Variants in YIPF4 observed in about 807,000 individuals in gnomAD.
YIPF4 encodes the protein Yip1 domain family member 4, also known as protein YIPF4.
A neutral mutation model predicts 29.4 loss-of-function variants in YIPF4; 18 were observed. The ratio of observed to expected loss-of-function variants is 0.61; its 90% CI spans 0.42 to 0.91. The LOEUF is 0.91. Among genes scored for constraint, YIPF4 ranks in the 40% least tolerant of loss-of-function variants. The pLI is 0.00. For missense variants in YIPF4, 279 were observed against 282.7 expected (o/e 0.99, Z 0.09); for synonymous variants, 115 against 104.7 (o/e 1.10, Z -0.60).
chr2:32,288,915 C>T (rs929578958), intron 1 of YIPF4, among the ~76,000 whole-genome samples: 39 of 151,978 alleles, frequency 2.6e-4, no homozygotes, highest in Admixed American at 2.5e-3. Flanking sequence ...TGCGGTGAGC[C>T]GAGATGACAC....
intron 2 of YIPF4, among the ~76,000 whole-genome samples, chr2:32,291,881 T>TGATA (rs765778128): frequency 1.9e-4 from 29 of 152,198 alleles, no homozygotes; most frequent in Non-Finnish European, 3.4e-4. Flanking sequence ...TTTCTTAAAT[T>TGATA]GATAGGGCTT....
At chr2:32,299,105 C>T (rs1414270984) in intron 4 of YIPF4, among the ~76,000 whole-genome samples, 2 of 152,090 alleles carry the variant, frequency 1.3e-5, no homozygotes, top group African/African-American at 4.8e-5. Flanking sequence ...CTCAAACTCC[C>T]GATCTCAAGT....
intron 1 of YIPF4, among the ~76,000 whole-genome samples, chr2:32,285,970 T>C (rs1164890598): frequency 1.3e-5 from 2 of 152,236 alleles, no homozygotes; most frequent in South Asian, 2.1e-4. Context: ...AAGTATGATA[T>C]ATAGTATGTA....
At position 32,312,596 on chromosome 2, in the gene YIPF4, C is replaced by G. The variant is rs1422477984; in HGVS notation, c.*6970C>G. 1 of 151,014 alleles carries G rather than the reference C, an allele frequency of 6.6e-6. No homozygotes were observed. Among genetic ancestry groups the G allele is most frequent in the Non-Finnish European group, 1.5e-5 (1 of 67,924 alleles). The allele number at this position is 151,014 out of a possible 1,614,324, so 9.4% of individuals were successfully genotyped here. A position where few individuals can be genotyped will look rare whatever the true frequency, so the allele number is the denominator to read the frequency against. On this transcript the variant is annotated 3_prime_UTR_variant, in exon 6 of 6. Transcript: ENST00000238831. The stretch of plus-strand genomic sequence containing the variant: ...AGAAACAGCCTTTGAATTTGGCACC[C>G]TGAATGTGAAGGGACAATAGATATT...
In YIPF4 at chr2:32,298,237, G is replaced by T. The variant is rs1322060392; in HGVS notation, c.409G>T (p.Val137Phe). The T allele has an allele frequency of 1.9e-6, 3 of 1,604,170 alleles. No individual in the cohort carries two copies. In the East Asian group the frequency reaches 6.7e-5, roughly 36 times the overall value. Residue 137 changes from valine to phenylalanine, a missense_variant, in exon 4 of 6, where the codon GTC (valine) becomes TTC (phenylalanine). Val to Phe is a conservative substitution (Grantham distance 50). Transcript: ENST00000238831. ...TTGCATGATTTTTCCCCCTAAGGTG[G>T]TCTCATGGATTATAACCATTTGGAT... Reference protein sequence around the residue: ...MISLYGQFRVVSWIITIWIFG... With the variant: ...MISLYGQFRVFSWIITIWIFG...
At position 32,306,663 on chromosome 2, in the gene YIPF4, A is replaced by G. The variant is rs559891810; in HGVS notation, c.*1037A>G. On this transcript the variant is annotated 3_prime_UTR_variant, in exon 6 of 6. Coordinates refer to ENST00000238831, the MANE Select transcript of YIPF4 (RefSeq NM_032312.4). ...ACAAATGTACAGTTTTTGCTAAGGG[A>G]AATATTAAGAAATTTTTATCAGTGA... 1.9e-5 allele frequency: 17 copies of G among 914,724 alleles called. No homozygotes were observed. Among genetic ancestry groups the G allele is most frequent in the Non-Finnish European group, 2.1e-5 (16 of 765,780 alleles). The allele number at this position is 914,724 out of a possible 1,614,324, so 56.7% of individuals were successfully genotyped here.
At chr2:32,299,864 A>G (rs890797409) in intron 4 of YIPF4, among the ~76,000 whole-genome samples, 5 of 152,268 alleles carry the variant, frequency 3.3e-5, no homozygotes, top group East Asian at 1.9e-4. Flanking sequence ...GCATGCCTGT[A>G]GTCCCAGCTA....
At chr2:32,301,870 T>A (rs565130810) in intron 5 of YIPF4, among the ~76,000 whole-genome samples, 1 of 152,200 alleles carries the variant, frequency 6.6e-6, no homozygotes, top group African/African-American at 2.4e-5. Flanking sequence ...CATGCCTGGC[T>A]AATTTTTTGT....
At position 32,278,138 on chromosome 2, in the gene YIPF4, G is replaced by T. The variant is rs1273379652; in HGVS notation, c.-18G>T. The T allele has an allele frequency of 1.9e-6, 3 of 1,547,670 alleles. No homozygotes were observed. The highest frequency in any genetic ancestry group is 2.0e-5 in the Admixed American group (1 of 51,232). On this transcript the variant is annotated 5_prime_UTR_variant, in exon 1 of 6. Coordinates refer to ENST00000238831, the MANE Select transcript of YIPF4 (RefSeq NM_032312.4). ...GCCGCAGCCTCTTCTACCGCGGCCG[G>T]TTGGGAGTCGCCGCGAGATGCAGCC...
At chr2:32,294,191 G>A (rs1356474737) in intron 3 of YIPF4, among the ~76,000 whole-genome samples, 10 of 152,022 alleles carry the variant, frequency 6.6e-5, no homozygotes, top group Non-Finnish European at 1.2e-4. Flanking sequence ...CCTCCCGGAC[G>A]GGGTGGCTGC....
At position 32,313,450 on chromosome 2, in the gene YIPF4, C is replaced by G. The variant is rs996331238; in HGVS notation, c.*7824C>G. Reference sequence around the variant, plus strand: ...TGGTGCAATCTCGGCTCACTGCAACCTCTGCCTCCCAGGTTCAAGTGATTC... The same window carrying G: ...TGGTGCAATCTCGGCTCACTGCAACGTCTGCCTCCCAGGTTCAAGTGATTC... On this transcript the variant is annotated 3_prime_UTR_variant, in exon 6 of 6. Transcript: ENST00000238831. 6.6e-6 allele frequency: 1 copy of G among 152,082 alleles called. No individual in the cohort carries two copies. The highest frequency in any genetic ancestry group is 1.5e-5 in the Non-Finnish European group (1 of 68,038). The allele number at this position is 152,082 out of a possible 1,614,324, so 9.4% of individuals were successfully genotyped here. A position where few individuals can be genotyped will look rare whatever the true frequency, so the allele number is the denominator to read the frequency against.
intron 1 of YIPF4, among the ~76,000 whole-genome samples, chr2:32,286,580 T>C (rs1282738158): frequency 6.6e-6 from 1 of 151,814 alleles, no homozygotes; most frequent in Admixed American, 6.6e-5. Flanking sequence ...GGAGTTGCGC[T>C]CTGTTGGCAG....
intron 1 of YIPF4, among the ~76,000 whole-genome samples, chr2:32,286,638 C>T (rs540606768): frequency 6.6e-5 from 10 of 152,136 alleles, no homozygotes; most frequent in African/African-American, 1.9e-4. Flanking sequence ...CTCCACCTCC[C>T]GGGCTCAAGT....
chr2:32,279,249 G>T (rs1214327379), intron 1 of YIPF4, among the ~76,000 whole-genome samples: 2 of 151,990 alleles, frequency 1.3e-5, no homozygotes, highest in Admixed American at 1.3e-4. Context: ...GGGATTACCG[G>T]CGTGAGCCAC....
intron 4 of YIPF4, among the ~76,000 whole-genome samples, chr2:32,298,706 G>A (rs969464044): frequency 2.6e-5 from 4 of 151,660 alleles, no homozygotes; most frequent in South Asian, 2.1e-4. Flanking sequence ...TTATAGATAT[G>A]TGCCACTATG....
intron 3 of YIPF4, among the ~76,000 whole-genome samples, chr2:32,295,042 CAGAGGG>C (rs1355898037): frequency 4.1e-4 from 50 of 121,888 alleles, no homozygotes; most frequent in African/African-American, 1.5e-3. Flanking sequence ...GGCTCGGCAT[CAGAGGG>C]AGAGGGGGAG....
In YIPF4 at chr2:32,313,503, G is replaced by A. The variant is rs1466068549; in HGVS notation, c.*7877G>A. On this transcript the variant is annotated 3_prime_UTR_variant, in exon 6 of 6. Transcript: ENST00000238831. ...CTGCCTCAGCCTCCCAAGTAGCTGG[G>A]ATTACAGGTGCCCATCACCACACCC... 1 of 151,842 alleles carries A rather than the reference G, an allele frequency of 6.6e-6. No homozygotes were observed. Among genetic ancestry groups the A allele is most frequent in the Non-Finnish European group, 1.5e-5 (1 of 68,032 alleles). 9.4% of individuals were successfully genotyped at this position (151,842 alleles called of 1,614,324 possible). A position where few individuals can be genotyped will look rare whatever the true frequency, so the allele number is the denominator to read the frequency against.
intron 1 of YIPF4, among the ~76,000 whole-genome samples, chr2:32,286,425 TTTAA>T (rs1361507763): frequency 2.0e-5 from 3 of 152,178 alleles, no homozygotes; most frequent in South Asian, 2.1e-4. Context: ...AATTACAGAA[TTTAA>T]TTATTTACAG....
rs369444924 is a variant in YIPF4 at position 32,281,237 on chromosome 2, C to CTT, written c.79+3015_79+3016dup. Among the ~76,000 whole-genome samples the CTT allele has an allele frequency of 1.6e-3, 237 of 144,918 alleles. 2 individuals carry two copies. Among genetic ancestry groups the CTT allele is most frequent in the African/African-American group, 5.4e-3 (213 of 39,578 alleles). On this transcript the variant is annotated intron_variant, in intron 1 of 5. Coordinates refer to ENST00000238831, the MANE Select transcript of YIPF4 (RefSeq NM_032312.4). The stretch of plus-strand genomic sequence containing the variant: ...ATTTTAAGTATACTACTCATTTGAT[C>CTT]TTTTTTTTTTTTTCCTTTTTTGAGA...
Sources: allele counts gnomAD v4.1 joint callset (sites outside exome capture counted in the v4.1 genomes callset), GRCh38; gene constraint gnomAD v4.1.1; transcripts MANE v1.5; gene names NCBI Gene and HGNC (gene_info 2026-07-23, HGNC 2026-07-21).